The following DOCK3 variants were observed in gnomAD, a reference collection of about 807,000 sequenced individuals.
The protein encoded by DOCK3 is dedicator of cytokinesis protein 3.
In DOCK3, 60 loss-of-function variants were observed where a neutral mutation model predicts 265.6. The ratio of observed to expected loss-of-function variants is 0.23; its 90% CI spans 0.18 to 0.28. The LOEUF is 0.28. DOCK3 is among the 10% of genes least tolerant of loss of function. The pLI, the probability that DOCK3 is intolerant of heterozygous loss-of-function variation, is 1.00. For missense variants in DOCK3, 1,981 were observed against 2,594.3 expected (o/e 0.76, Z 5.14); for synonymous variants, 881 against 938.0 (o/e 0.94, Z 1.11).
chr3:51,346,869 T>G (rs1457876967), intron 38 of DOCK3, among the ~76,000 whole-genome samples: 1 of 152,224 alleles, frequency 6.6e-6, no homozygotes, highest in East Asian at 1.9e-4. Flanking sequence ...TGGTTTTGAT[T>G]TGCATTTCTC....
chr3:51,271,964 A>C (rs1158702265), intron 24 of DOCK3, among the ~76,000 whole-genome samples: 1 of 152,046 alleles, frequency 6.6e-6, no homozygotes, highest in East Asian at 1.9e-4. Context: ...AACAAGGATT[A>C]GAGAGAGAAA....
chr3:50,781,728 G>A (rs1382968396), intron 2 of DOCK3, among the ~76,000 whole-genome samples: 1 of 152,048 alleles, frequency 6.6e-6, no homozygotes, highest in Non-Finnish European at 1.5e-5. Flanking sequence ...TGTCACCCAG[G>A]TATTAAGCCT....
intron 5 of DOCK3, among the ~76,000 whole-genome samples, chr3:51,029,326 A>C (rs1290863794): frequency 1.3e-5 from 2 of 152,210 alleles, no homozygotes; most frequent in African/African-American, 4.8e-5. Context: ...GCTTTTACTT[A>C]GTTCATGCTT....
chr3:50,827,196 T>C (rs1201162895), intron 2 of DOCK3, among the ~76,000 whole-genome samples: 1 of 152,174 alleles, frequency 6.6e-6, no homozygotes, highest in Non-Finnish European at 1.5e-5. Context: ...AGGAGGGTCT[T>C]CAAAATGCCG....
At chr3:51,368,823 C>T (rs1018481606) in intron 49 of DOCK3, among the ~76,000 whole-genome samples, 1 of 152,218 alleles carries the variant, frequency 6.6e-6, no homozygotes, top group South Asian at 2.1e-4. Flanking sequence ...GCGACTGACA[C>T]CTCATATGGC....
At chr3:50,825,106 T>C (rs1252364559) in intron 2 of DOCK3, among the ~76,000 whole-genome samples, 2 of 152,202 alleles carry the variant, frequency 1.3e-5, no homozygotes, top group African/African-American at 2.4e-5. Flanking sequence ...AGAGTAAGCT[T>C]ACAAACTGTC....
chr3:50,852,335 T>A (rs981311832), intron 3 of DOCK3, among the ~76,000 whole-genome samples: 1 of 152,254 alleles, frequency 6.6e-6, no homozygotes, highest in African/African-American at 2.4e-5. Flanking sequence ...TCATTCTAAA[T>A]ACTAGTCCTT....
chr3:50,803,684 G>A (rs1051248500), intron 2 of DOCK3, among the ~76,000 whole-genome samples: 28 of 151,686 alleles, frequency 1.8e-4, no homozygotes, highest in African/African-American at 5.3e-4. Flanking sequence ...CAGATGGGGC[G>A]GCTACCAGGC....
intron 5 of DOCK3, among the ~76,000 whole-genome samples, chr3:51,041,191 TATATATATATATA>T (rs1369584593): frequency 0.014 from 250 of 17,458 alleles, 1 homozygote; most frequent in African/African-American, 0.03. Context: ...TATATATATA[TATATATATATATA>T]TTTTTTTTTT....
At chr3:51,273,474 T>G (rs1367052528) in intron 24 of DOCK3, among the ~76,000 whole-genome samples, 1 of 152,364 alleles carries the variant, frequency 6.6e-6, no homozygotes, top group Admixed American at 6.5e-5. Context: ...AAGTATAAGT[T>G]TGGTCTCTTC....
intron 3 of DOCK3, among the ~76,000 whole-genome samples, chr3:50,860,633 A>G (rs923015733): frequency 3.9e-5 from 6 of 152,148 alleles, no homozygotes; most frequent in Non-Finnish European, 8.8e-5. Context: ...GGTAGAGCAG[A>G]TGTGCTGTGC....
intron 10 of DOCK3, among the ~76,000 whole-genome samples, chr3:51,156,831 T>A (rs139799702): frequency 7.7e-4 from 117 of 152,318 alleles, no homozygotes; most frequent in Non-Finnish European, 1.5e-3. Flanking sequence ...TCAGTGATTA[T>A]ACGAGTCATT....
chr3:51,273,758 A>G (rs1303074692), intron 24 of DOCK3, among the ~76,000 whole-genome samples: 1 of 152,224 alleles, frequency 6.6e-6, no homozygotes, highest in Non-Finnish European at 1.5e-5. Flanking sequence ...CTCTTAACAA[A>G]GGACAGATAT....
At chr3:51,316,511 G>A (rs1256595557) in intron 32 of DOCK3, among the ~76,000 whole-genome samples, 2 of 152,216 alleles carry the variant, frequency 1.3e-5, no homozygotes, top group East Asian at 3.8e-4. Flanking sequence ...CTTGTGACAA[G>A]TGTGTAATTA....
intron 3 of DOCK3, among the ~76,000 whole-genome samples, chr3:50,863,182 T>C (rs954842940): frequency 1.5e-4 from 23 of 152,142 alleles, no homozygotes; most frequent in African/African-American, 5.1e-4. Flanking sequence ...TCTGTGTTTG[T>C]CAAAGTCACA....
intron 8 of DOCK3, 78 bp downstream of exon 8, chr3:51,089,362 GGAAAT>G: frequency 6.7e-7 from 1 of 1,492,444 alleles, no homozygotes; most frequent in South Asian, 1.2e-5. Context: ...GAATACACCA[GGAAAT>G]GACAGACACC....
intron 28 of DOCK3, among the ~76,000 whole-genome samples, chr3:51,311,665 A>G (rs1463613780): frequency 6.6e-6 from 1 of 152,172 alleles, no homozygotes; most frequent in African/African-American, 2.4e-5. Flanking sequence ...GAACTGGGAG[A>G]AACCTTAAAG....
chr3:51,213,705 A>G (rs1204192571), intron 13 of DOCK3, among the ~76,000 whole-genome samples: 3 of 152,070 alleles, frequency 2.0e-5, no homozygotes, highest in African/African-American at 4.8e-5. Flanking sequence ...CTCATTTCTC[A>G]TATTTGGGAT....
Position 50,748,964 on chromosome 3 carries a change from T to C in DOCK3, c.38-29711T>C, listed in dbSNP as rs1364509691. Among the ~76,000 whole-genome samples, 5 of 152,190 alleles carry C rather than the reference T, an allele frequency of 3.3e-5. No homozygotes were observed. The East Asian group carries it at 7.7e-4, about 23-fold the overall frequency. On this transcript the variant is annotated intron_variant, in intron 1 of 52. Coordinates refer to ENST00000266037, the MANE Select transcript of DOCK3 (RefSeq NM_004947.5). ...ATGTGTCGTAACAAATAATGCTGTC[T>C]TTTAGATCTGTTAGAAAATAGCCAT...
Sources: allele counts gnomAD v4.1 joint callset (sites outside exome capture counted in the v4.1 genomes callset), GRCh38; gene constraint gnomAD v4.1.1; transcripts MANE v1.5; gene names NCBI Gene and HGNC (gene_info 2026-07-23, HGNC 2026-07-21).